The following SMPD4 variants were observed in gnomAD, a reference collection of about 807,000 sequenced individuals.
The protein encoded by SMPD4 is sphingomyelin phosphodiesterase 4.
SMPD4 carries 58 observed loss-of-function variants against 97.8 expected under a neutral mutation model. That is an observed-to-expected ratio of 0.59 (90% CI 0.48 to 0.74). The LOEUF (loss-of-function observed/expected upper bound fraction) is 0.74. SMPD4 is among the 30% of genes least tolerant of loss of function. SMPD4 has a pLI of 0.00. For synonymous variants in SMPD4, 388 were observed against 450.0 expected (o/e 0.86, Z 1.74); for missense variants, 853 against 1,080.5 (o/e 0.79, Z 2.95).
At position 130,157,404 on chromosome 2, in the gene SMPD4, G is replaced by T. The variant is rs1389266233; in HGVS notation, c.952-8C>A. On this transcript the variant is annotated splice_region_variant and splice_polypyrimidine_tract_variant and intron_variant, in intron 11 of 19. Coordinates refer to ENST00000680298, the MANE Select transcript of SMPD4 (RefSeq NM_017951.5). Reference sequence around the variant, plus strand: ...AGTAGGCGTGAACGACTCCTGGGTGGAGAAGGAGGGGTGAGGGCCTGGGAA... The same window carrying T: ...AGTAGGCGTGAACGACTCCTGGGTGTAGAAGGAGGGGTGAGGGCCTGGGAA... The T allele has an allele frequency of 6.2e-7, 1 of 1,610,840 alleles. No individual in the cohort carries two copies. The highest frequency in any genetic ancestry group is 8.5e-7 in the Non-Finnish European group (1 of 1,179,284).
At chr2:130,154,061 A>G (rs542076546) in intron 16 of SMPD4, 126 bp from the exon 17 acceptor site, 147 of 1,124,460 alleles carry the variant, frequency 1.3e-4, no homozygotes, top group Non-Finnish European at 1.7e-4. Flanking sequence ...GAAGACTTTT[A>G]AAGACTAAAG....
chr2:130,176,456 C>T lies in SMPD4; in HGVS notation c.39+98G>A, dbSNP rs532344690. On this transcript the variant is annotated intron_variant, in intron 2 of 19. Transcript: ENST00000680298. ...TCCATCACATGCCCCTAAAAAACAACCACTACAGAGTTCTTCAAGTCAATG... is the reference window on the plus strand; with the variant it reads ...TCCATCACATGCCCCTAAAAAACAATCACTACAGAGTTCTTCAAGTCAATG... 400 of 963,356 alleles carry T rather than the reference C, an allele frequency of 4.2e-4. 2 individuals are homozygous for T. Among genetic ancestry groups the T allele is most frequent in the Middle Eastern group, 2.6e-3 (12 of 4,552 alleles). The allele number at this position is 963,356 out of a possible 1,614,324, so 59.7% of individuals were successfully genotyped here. A position where few individuals can be genotyped will look rare whatever the true frequency, so the allele number is the denominator to read the frequency against.
At chr2:130,159,250 C>T (rs1403876551) in intron 11 of SMPD4, among the ~76,000 whole-genome samples, 4 of 152,152 alleles carry the variant, frequency 2.6e-5, no homozygotes, top group Non-Finnish European at 4.4e-5. Flanking sequence ...CTGCCTCAAC[C>T]TCCCAAAGTG....
intron 11 of SMPD4, among the ~76,000 whole-genome samples, chr2:130,159,026 G>T (rs1687129722): frequency 6.6e-6 from 1 of 152,024 alleles, no homozygotes; most frequent in African/African-American, 2.4e-5. Flanking sequence ...TTGAGACAGG[G>T]TCTCACTCTG....
chr2:130,164,430 A>C lies in SMPD4; in HGVS notation c.808T>G (p.Trp270Gly). 6.2e-7 allele frequency: 1 copy of C among 1,614,166 alleles called. No individual in the cohort carries two copies. The highest frequency in any genetic ancestry group is 8.5e-7 in the Non-Finnish European group (1 of 1,180,014). ...ETLLQVFVEMWLHHYSLEMYQ... is the reference protein window; with the variant it reads ...ETLLQVFVEMGLHHYSLEMYQ... Reference sequence around the variant, plus strand: ...ATCTCCAAGGAATAGTGATGAAGCCACATTTCAACAAAAACCTGCAAAAAA... The same window carrying C: ...ATCTCCAAGGAATAGTGATGAAGCCCCATTTCAACAAAAACCTGCAAAAAA... The change falls in exon 10 of 20, where the codon TGG becomes GGG. Residue 270 changes from tryptophan (W) to glycine (G), a missense_variant. By Grantham distance (184) the Trp-to-Gly change is radical. Transcript: ENST00000680298.
At chr2:130,164,333 G>A (rs1184879583) in intron 10 of SMPD4, 41 bp downstream of exon 10, 2 of 1,545,238 alleles carry the variant, frequency 1.3e-6, no homozygotes, top group Admixed American at 1.7e-5. Flanking sequence ...AGGCTGAGCA[G>A]GGTCAGAAGC....
intron 11 of SMPD4, chr2:130,157,787 C>A: frequency 3.9e-6 from 1 of 256,038 alleles, no homozygotes; most frequent in Non-Finnish European, 7.7e-6. Flanking sequence ...CAGGAGAAAG[C>A]CAGCATCACC....
At chr2:130,163,592 C>A (rs1156676415) in intron 10 of SMPD4, among the ~76,000 whole-genome samples, 1 of 152,266 alleles carries the variant, frequency 6.6e-6, no homozygotes, top group African/African-American at 2.4e-5. Flanking sequence ...TGCACAGACG[C>A]CATGGGCACC....
chr2:130,175,054 T>G (rs1320405892), intron 2 of SMPD4, 54 bp from the exon 3 acceptor site: 4 of 1,282,764 alleles, frequency 3.1e-6, no homozygotes, highest in Non-Finnish European at 4.5e-6. Flanking sequence ...CTGCAGCTTT[T>G]AGTGGCACTC....
rs1686485974 is a variant in SMPD4 at position 130,153,896 on chromosome 2, T to C, written c.1699A>G (p.Thr567Ala). The change falls in exon 17 of 20, where the codon ACA (threonine) becomes GCA (alanine). Residue 567 changes from threonine (T) to alanine (A), a missense_variant. Thr to Ala is a moderately conservative substitution (Grantham distance 58). Around this residue, in one of 3 missense-constraint regions of SMPD4, gnomAD observed 511 missense variants for 608.1 expected, o/e 0.84. Transcript: ENST00000680298. ...CACTGGTCGGAGATGGACTTGGCTG[T>C]GTGTTTGGCCTGTGTGATGAGCTGA... ...LAQLITQAKH[T>A]AKSISDQCAE... 1 of 1,613,632 alleles carries C rather than the reference T, an allele frequency of 6.2e-7. No individual in the cohort carries two copies. The highest frequency in any genetic ancestry group is 8.5e-7 in the Non-Finnish European group (1 of 1,179,860).
chr2:130,168,763 CCAGGCTGGAGTA>C (rs1231039580), intron 8 of SMPD4, among the ~76,000 whole-genome samples: 3 of 150,972 alleles, frequency 2.0e-5, no homozygotes. Flanking sequence ...ACTCTGTAGC[CCAGGCTGGAGTA>C]CAGGGGCATG....
chr2:130,154,789 A>G (rs1381279249), intron 15 of SMPD4: 1 of 588,538 alleles, frequency 1.7e-6, no homozygotes, highest in East Asian at 2.9e-5. Flanking sequence ...CACCTCCTGA[A>G]GCGGCCAACA....
At chr2:130,174,007 A>G in intron 3 of SMPD4, among the ~76,000 whole-genome samples, 1 of 152,126 alleles carries the variant, frequency 6.6e-6, no homozygotes, top group East Asian at 1.9e-4. Flanking sequence ...AAAAAATATA[A>G]AATAAAAAAA....
intron 1 of SMPD4, among the ~76,000 whole-genome samples, chr2:130,177,953 T>C (rs1689130388): frequency 6.6e-6 from 1 of 152,174 alleles, no homozygotes; most frequent in Non-Finnish European, 1.5e-5. Context: ...TGACGGCATT[T>C]TGCACATCCA....
chr2:130,157,415 G>A lies in SMPD4; in HGVS notation c.952-19C>T. 3 of 1,610,844 alleles carry A rather than the reference G, an allele frequency of 1.9e-6. No individual in the cohort carries two copies. Among genetic ancestry groups the A allele is most frequent in the East Asian group, 4.5e-5 (2 of 44,832 alleles). The stretch of plus-strand genomic sequence containing the variant: ...ACGACTCCTGGGTGGAGAAGGAGGG[G>A]TGAGGGCCTGGGAAGGAGCGTGGCA... On this transcript the variant is annotated intron_variant, in intron 11 of 19. Coordinates refer to ENST00000680298, the MANE Select transcript of SMPD4 (RefSeq NM_017951.5).
chr2:130,181,000 G>GT (rs1464143533), intron 1 of SMPD4, among the ~76,000 whole-genome samples: 1 of 152,108 alleles, frequency 6.6e-6, no homozygotes, highest in East Asian at 1.9e-4. Context: ...GTTTTGTTTT[G>GT]TTTTTCTGAC....
chr2:130,153,257 A>C, intron 18 of SMPD4, 62 bp downstream of exon 18: 3 of 1,612,552 alleles, frequency 1.9e-6, no homozygotes, highest in Non-Finnish European at 2.5e-6. Flanking sequence ...CTCACAAGGG[A>C]GGAGGGAGCT....
chr2:130,174,763 T>C, intron 3 of SMPD4, 151 bp downstream of exon 3: 1 of 532,686 alleles, frequency 1.9e-6, no homozygotes, highest in East Asian at 2.8e-5. Context: ...TGTTTAAATG[T>C]GTCCGTAAAC....
chr2:130,158,127 G>C (rs1687014300), intron 11 of SMPD4: 1 of 1,149,036 alleles, frequency 8.7e-7, no homozygotes, highest in Non-Finnish European at 1.1e-6. Context: ...GTGAGAGTAA[G>C]ACCTGGTTCA....
Sources: gnomAD v4.1 joint callset for allele counts (sites outside exome capture counted in the v4.1 genomes callset) on GRCh38, gnomAD v4.1.1 for gene constraint, gnomAD v4.1.1 regional missense constraint, MANE v1.5 for transcripts, NCBI Gene and HGNC (gene_info 2026-07-23, HGNC 2026-07-21) for gene names.